Variants in ARHGAP22 observed in about 807,000 individuals in gnomAD.
ARHGAP22 encodes the protein rho GTPase-activating protein 22.
Under a neutral mutation model 59.1 loss-of-function variants are expected in ARHGAP22, and 48 were observed. The ratio of observed to expected loss-of-function variants is 0.81; its 90% CI spans 0.64 to 1.03. The LOEUF is 1.03. Among genes scored for constraint, ARHGAP22 ranks in the 50% least tolerant of loss-of-function variants. The probability of loss-of-function intolerance (pLI) is 0.00; values close to 1 mark genes in which losing one functional copy is unlikely to be tolerated. For synonymous variants in ARHGAP22, 445 were observed against 416.4 expected, an observed-to-expected ratio of 1.07 and a Z score of -0.84; for missense variants, 1,015 against 958.7, an observed-to-expected ratio of 1.06 and a Z score of -0.78.
intron 3 of ARHGAP22, among the ~76,000 whole-genome samples, chr10:48,505,657 C>T (rs1316922827): frequency 6.6e-6 from 1 of 152,110 alleles, no homozygotes; most frequent in Non-Finnish European, 1.5e-5. Context: ...TCCTGGAAAC[C>T]TAGGATGGGT....
At chr10:48,540,324 C>T (rs921936061) in intron 3 of ARHGAP22, among the ~76,000 whole-genome samples, 2 of 152,340 alleles carry the variant, frequency 1.3e-5, no homozygotes, top group Non-Finnish European at 2.9e-5. Context: ...ACAACCTCCA[C>T]CTCCAGGGTT....
At chr10:48,558,226 A>G (rs1248636171) in intron 2 of ARHGAP22, among the ~76,000 whole-genome samples, 2 of 152,242 alleles carry the variant, frequency 1.3e-5, no homozygotes, top group Non-Finnish European at 2.9e-5. Flanking sequence ...TCCAGAGCTT[A>G]AGACATAGTA....
chr10:48,587,809 C>T (rs2059518148), intron 1 of ARHGAP22, among the ~76,000 whole-genome samples: 1 of 152,216 alleles, frequency 6.6e-6, no homozygotes, highest in South Asian at 2.1e-4. Context: ...TTTCCACATC[C>T]CCCATAGCAT....
Position 48,450,623 on chromosome 10 carries a change from G to GGGGACCAGGCCCGGCGC in ARHGAP22, c.1489_1505dup (p.Gly503ArgfsTer125). On this transcript the variant is annotated frameshift_variant, in exon 9 of 10. Transcript: ENST00000249601. LOFTEE classifies it high-confidence loss of function. ...CCATACTGGCCACGCTGGGTATGCC[G>GGGGACCAGGCCCGGCGC]GGGACCAGGCCCGGCGCGGGCACAT... 1 of 1,548,942 alleles carries GGGGACCAGGCCCGGCGC rather than the reference G, an allele frequency of 6.5e-7. No homozygotes were observed. Among genetic ancestry groups the GGGGACCAGGCCCGGCGC allele is most frequent in the Non-Finnish European group, 8.7e-7 (1 of 1,146,870 alleles).
chr10:48,531,577 G>C (rs2054848953), intron 3 of ARHGAP22, among the ~76,000 whole-genome samples: 1 of 152,188 alleles, frequency 6.6e-6, no homozygotes, highest in South Asian at 2.1e-4. Context: ...CTAAGAGCTT[G>C]ACATGTGCAC....
At chr10:48,525,030 C>A (rs1040796210) in intron 3 of ARHGAP22, among the ~76,000 whole-genome samples, 2 of 152,174 alleles carry the variant, frequency 1.3e-5, no homozygotes, top group Admixed American at 6.5e-5. Flanking sequence ...GAGCTATCAT[C>A]ATCATCAAGT....
At chr10:48,503,447 C>T (rs2051740936) in intron 3 of ARHGAP22, among the ~76,000 whole-genome samples, 1 of 152,212 alleles carries the variant, frequency 6.6e-6, no homozygotes, top group Non-Finnish European at 1.5e-5. Flanking sequence ...TTTATTTCTA[C>T]ATTGGTATAA....
intron 3 of ARHGAP22, among the ~76,000 whole-genome samples, chr10:48,487,139 T>C (rs563813934): frequency 6.6e-6 from 1 of 152,346 alleles, no homozygotes; most frequent in Non-Finnish European, 1.5e-5. Context: ...CAAATACGTG[T>C]TTCCATCCCC....
chr10:48,549,162 G>C (rs141813428), intron 3 of ARHGAP22, among the ~76,000 whole-genome samples: 1 of 152,180 alleles, frequency 6.6e-6, no homozygotes, highest in Admixed American at 6.5e-5. Flanking sequence ...CAACAAATAT[G>C]ATATTTGTTA....
the ARHGAP22 span, chr10:48,430,365 AT>A: frequency 6.6e-6 from 1 of 152,318 alleles, no homozygotes; most frequent in Non-Finnish European, 1.5e-5. Flanking sequence ...AAGTGCTGGG[AT>A]TACAGGCATG....
At chr10:48,494,739 G>A (rs2134272883) in intron 3 of ARHGAP22, among the ~76,000 whole-genome samples, 1 of 152,280 alleles carries the variant, frequency 6.6e-6, no homozygotes, top group South Asian at 2.1e-4. Context: ...TACTGTTCTT[G>A]GAATAAAACC....
intron 3 of ARHGAP22, among the ~76,000 whole-genome samples, chr10:48,539,151 C>T (rs984952206): frequency 1.3e-5 from 2 of 152,134 alleles, no homozygotes; most frequent in Non-Finnish European, 2.9e-5. Context: ...AAAATATGCT[C>T]ATGATCCAGA....
downstream of ARHGAP22, chr10:48,443,830 A>C (rs1033306398): frequency 6.6e-6 from 1 of 152,202 alleles, no homozygotes; most frequent in Non-Finnish European, 1.5e-5. Context: ...AATTAAGACA[A>C]GGAATCTTCC....
intron 4 of ARHGAP22, among the ~76,000 whole-genome samples, chr10:48,473,238 C>CA (rs1319651106): frequency 6.6e-6 from 1 of 152,168 alleles, no homozygotes; most frequent in African/African-American, 2.4e-5. Context: ...AAGCCAGTCA[C>CA]AAAAAGACAA....
chr10:48,509,389 C>G (rs1161508340), intron 3 of ARHGAP22, among the ~76,000 whole-genome samples: 1 of 152,240 alleles, frequency 6.6e-6, no homozygotes, highest in Admixed American at 6.5e-5. Flanking sequence ...ATGCCAGGCA[C>G]AGCGGAGCTT....
intron 1 of ARHGAP22, 100 bp from the exon 2 acceptor site, chr10:48,583,252 G>A: frequency 7.2e-7 from 1 of 1,384,954 alleles, no homozygotes; most frequent in Non-Finnish European, 9.9e-7. Context: ...CTGAGGCATG[G>A]GAGCCCAGGC....
chr10:48,488,183 T>A (rs1485384231), intron 3 of ARHGAP22, among the ~76,000 whole-genome samples: 2 of 152,262 alleles, frequency 1.3e-5, no homozygotes, highest in Non-Finnish European at 2.9e-5. Context: ...CACCCAGCAT[T>A]AGTTTTCATC....
intron 1 of ARHGAP22, among the ~76,000 whole-genome samples, chr10:48,604,224 G>A (rs530756841): frequency 3.9e-5 from 6 of 152,250 alleles, no homozygotes; most frequent in African/African-American, 9.6e-5. Context: ...GCATCCACCC[G>A]TCCTGCCCCC....
intron 4 of ARHGAP22, among the ~76,000 whole-genome samples, chr10:48,476,669 G>T (rs1005569636): frequency 2.6e-5 from 4 of 152,254 alleles, no homozygotes; most frequent in Admixed American, 2.6e-4. Flanking sequence ...ATGGTTGTGA[G>T]TTCTTCAGCA....
Sources: allele counts gnomAD v4.1 joint callset (sites outside exome capture counted in the v4.1 genomes callset), GRCh38; gene constraint gnomAD v4.1.1; transcripts MANE v1.5; gene names NCBI Gene and HGNC (gene_info 2026-07-23, HGNC 2026-07-21).